The following ADGRG2 variants were observed in gnomAD, a reference collection of about 807,000 sequenced individuals.
ADGRG2 encodes G protein-coupled receptor 64.
ADGRG2 carries 26 observed loss-of-function variants against 74.1 expected under a neutral mutation model. The observed-to-expected ratio is 0.35, with a 90% confidence interval of 0.26 to 0.49. The LOEUF is 0.49. Among genes scored for constraint, ADGRG2 ranks in the 20% least tolerant of loss-of-function variants. The pLI is 0.99. For missense variants in ADGRG2, 619 were observed against 763.1 expected (o/e 0.81, Z 2.22); for synonymous variants, 296 against 295.2 (o/e 1.00, Z -0.03).
At chrX:19,012,455 C>T (rs1363053884) in intron 16 of ADGRG2, among the ~76,000 whole-genome samples, 2 of 110,193 alleles carry the variant, frequency 1.8e-5, no homozygotes, top group Non-Finnish European at 3.8e-5. Context: ...CCTTTGACTA[C>T]AGCCCCAATG....
intron 1 of ADGRG2, among the ~76,000 whole-genome samples, chrX:19,110,431 C>G: frequency 9.0e-6 from 1 of 110,609 alleles, no homozygotes; most frequent in East Asian, 2.8e-4. Context: ...GCCTGTAATC[C>G]CAGCACTTTG....
chrX:19,098,553 A>AT (rs1276430031), intron 1 of ADGRG2, among the ~76,000 whole-genome samples: 79 of 109,196 alleles, frequency 7.2e-4, no homozygotes, highest in Non-Finnish European at 1.2e-3. Context: ...ATTTTGTAGG[A>AT]TTTTTTTTTT....
chrX:19,055,624 A>C (rs1468783365), intron 3 of ADGRG2, among the ~76,000 whole-genome samples: 1 of 110,933 alleles, frequency 9.0e-6, no homozygotes, highest in Non-Finnish European at 1.9e-5. Context: ...ACTAGTATTT[A>C]CTGAGTTCTC....
intron 1 of ADGRG2, among the ~76,000 whole-genome samples, chrX:19,105,063 G>A (rs894846101): frequency 9.0e-6 from 1 of 110,639 alleles, no homozygotes; most frequent in Admixed American, 9.7e-5. Flanking sequence ...GTGAAACCCC[G>A]TCTCTACTAA....
At chrX:19,021,719 C>G (rs1450360729) in intron 13 of ADGRG2, among the ~76,000 whole-genome samples, 1 of 110,686 alleles carries the variant, frequency 9.0e-6, no homozygotes, top group Non-Finnish European at 1.9e-5. Flanking sequence ...GATCTCAGCT[C>G]ACTGCAACCT....
chrX:19,027,263 T>C lies in ADGRG2; in HGVS notation c.426A>G (p.Ile142Met), dbSNP rs762362940. ...GGACTCCAGTTAAGGTGCCATTCGT[T>C]ATATGTTGATTCTGTTAGAAGCATA... ...KESTVPQNQH[I>M]TNGTLTGVLS... Residue 142 changes from isoleucine to methionine, a missense_variant, in exon 11 of 29, where the codon ATA (isoleucine) becomes ATG (methionine). Ile to Met is a conservative substitution (Grantham distance 10). Around this residue, in one of 3 missense-constraint regions of ADGRG2, gnomAD observed 292 missense variants for 318.0 expected, o/e 0.92. Transcript: ENST00000379869. The C allele has an allele frequency of 3.6e-6, 4 of 1,114,243 alleles. No homozygotes were observed. In the African/African-American group the frequency reaches 7.2e-5, roughly 20 times the overall value. 91.8% of individuals were successfully genotyped at this position (1,114,243 alleles called of 1,213,427 possible). A position where few individuals can be genotyped will look rare whatever the true frequency, so the allele number is the denominator to read the frequency against.
At chrX:19,061,827 C>T (rs1253692311) in intron 3 of ADGRG2, among the ~76,000 whole-genome samples, 1 of 111,889 alleles carries the variant, frequency 8.9e-6, no homozygotes, top group Non-Finnish European at 1.9e-5. Flanking sequence ...CGTGCTAGGG[C>T]CTTTCTGGCA....
At chrX:19,122,559 G>A (rs1302653546), upstream of ADGRG2, 3 of 109,736 alleles carry the variant, frequency 2.7e-5, no homozygotes, top group Admixed American at 2.8e-4. Context: ...CGCCGCTCCC[G>A]GCCCGCTCCG....
chrX:19,037,541 T>G, intron 5 of ADGRG2, 48 bp downstream of exon 5: 1 of 1,145,713 alleles, frequency 8.7e-7, no homozygotes, highest in Non-Finnish European at 1.2e-6. Flanking sequence ...AAAACAAAAC[T>G]TTAACAAATT....
chrX:19,000,157 C>G (rs1259929840), intron 24 of ADGRG2, among the ~76,000 whole-genome samples, 197 bp from the exon 25 acceptor site: 2 of 110,265 alleles, frequency 1.8e-5, no homozygotes, highest in African/African-American at 6.6e-5. Flanking sequence ...CCATGCCTGG[C>G]TAATTTTTGT....
Position 19,023,436 on chromosome X carries a change from A to G in ADGRG2, c.528T>C (p.Cys176=), listed in dbSNP as rs1195639319. 3 of 1,106,570 alleles carry G rather than the reference A, an allele frequency of 2.7e-6. No individual in the cohort carries two copies. Among genetic ancestry groups the G allele is most frequent in the Non-Finnish European group, 3.7e-6 (3 of 812,348 alleles). 91.2% of individuals were successfully genotyped at this position (1,106,570 alleles called of 1,213,427 possible). Residue 176 remains cysteine, a synonymous_variant, in exon 13 of 29, where the codon TGT becomes TGC. Transcript: ENST00000379869. ...CTGACCTTTGGGCCTCTGCTGTAGC[A>G]CACATTATAAAGTAAGTCTGAAACA... ...QTLSETYFIM[C]ATAEAQSTLN...
chrX:19,007,234 C>T lies in ADGRG2; in HGVS notation c.1689+1G>A. The stretch of plus-strand genomic sequence containing the variant: ...AACAGACGGCACTGGCCTCTCCCCA[C>T]CTGGCTCGGGTTGATGTGCTTTAAT... On this transcript the variant is annotated splice_donor_variant, in intron 20 of 28. Transcript: ENST00000379869. LOFTEE classifies it high-confidence loss of function. The T allele has an allele frequency of 8.3e-7, 1 of 1,211,015 alleles. No individual in the cohort carries two copies. The highest frequency in any genetic ancestry group is 3.0e-5 in the East Asian group (1 of 33,808).
chrX:19,077,334 TAAAAAAAAAAAAA>T (rs34976230), intron 2 of ADGRG2, among the ~76,000 whole-genome samples: 3 of 38,613 alleles, frequency 7.8e-5, no homozygotes, highest in African/African-American at 3.9e-4. Context: ...CTGTCTCTAC[TAAAAAAAAAAAAA>T]AAAAAAAAAA....
At chrX:19,075,659 G>C (rs748992930) in intron 2 of ADGRG2, among the ~76,000 whole-genome samples, 42 of 108,408 alleles carry the variant, frequency 3.9e-4, no homozygotes, top group Admixed American at 2.0e-4. Context: ...AAAGAAAAAG[G>C]CTGTTAAGAA....
intron 1 of ADGRG2, among the ~76,000 whole-genome samples, chrX:19,114,791 A>T (rs972551999): frequency 3.3e-4 from 37 of 110,926 alleles, no homozygotes; most frequent in African/African-American, 1.2e-3. Context: ...AATTGTGCGC[A>T]CTCCTTGCTC....
chrX:19,112,979 A>C (rs1487735860), intron 1 of ADGRG2, among the ~76,000 whole-genome samples: 34 of 94,253 alleles, frequency 3.6e-4, no homozygotes, highest in African/African-American at 1.3e-3. Flanking sequence ...ACAACAACAA[A>C]AAAAAAACCA....
chrX:19,052,876 G>A, intron 3 of ADGRG2, among the ~76,000 whole-genome samples: 1 of 110,278 alleles, frequency 9.1e-6, no homozygotes, highest in Non-Finnish European at 1.9e-5. Context: ...TGTATTTTTA[G>A]TAGAGACAGG....
intron 3 of ADGRG2, among the ~76,000 whole-genome samples, chrX:19,042,418 G>A (rs1453021421): frequency 9.0e-6 from 1 of 110,987 alleles, no homozygotes; most frequent in East Asian, 2.8e-4. Flanking sequence ...TGACGTCGAG[G>A]GGCAACAGAG....
At chrX:19,085,576 G>A (rs190389271) in intron 1 of ADGRG2, among the ~76,000 whole-genome samples, 187 of 110,791 alleles carry the variant, frequency 1.7e-3, no homozygotes, top group African/African-American at 5.6e-3. Context: ...CAATCCTCCC[G>A]CCTTGACCAC....
Sources: allele counts gnomAD v4.1 joint callset (sites outside exome capture counted in the v4.1 genomes callset), GRCh38; gene constraint gnomAD v4.1.1; regional missense constraint gnomAD v4.1.1; transcripts MANE v1.5; gene names NCBI Gene and HGNC (gene_info 2026-07-23, HGNC 2026-07-21).